Variants in FRMPD1 observed in about 807,000 individuals in gnomAD.
The protein encoded by FRMPD1 is FERM and PDZ domain-containing protein 1.
A neutral mutation model predicts 117.8 loss-of-function variants in FRMPD1; 76 were observed. The observed-to-expected ratio is 0.65, with a 90% CI of 0.54 to 0.78. The LOEUF (loss-of-function observed/expected upper bound fraction) is 0.78, where lower values mean the gene tolerates loss of function less well. FRMPD1 is among the 30% of genes least tolerant of loss of function. The pLI is 0.00. For synonymous variants in FRMPD1, 783 were observed against 770.4 expected (o/e 1.02, Z -0.27); for missense variants, 1,786 against 1,964.5 (o/e 0.91, Z 1.72).
chr9:37,676,026 CA>C (rs1405722813), intron 1 of FRMPD1, among the ~76,000 whole-genome samples: 1 of 152,146 alleles, frequency 6.6e-6, no homozygotes, highest in East Asian at 1.9e-4. Context: ...AAAATAGAAA[CA>C]AAAAGAATTG....
rs1274793507 is a variant in FRMPD1, at chr9:37,745,541, C to A, written c.3509C>A (p.Thr1170Asn). The A allele has an allele frequency of 3.7e-6, 6 of 1,613,830 alleles. No individual in the cohort carries two copies. The highest frequency in any genetic ancestry group is 5.1e-6 in the Non-Finnish European group (6 of 1,179,888). ...TCTTTAGATGCTCCTGTAACAGGGACCGAGCAGATCCCACCACATCCCCCT... is the reference window on the plus strand; with the variant it reads ...TCTTTAGATGCTCCTGTAACAGGGAACGAGCAGATCCCACCACATCCCCCT... ...SLSLDAPVTG[T>N]EQIPPHPPRD... The change falls in exon 16 of 16, where the codon ACC becomes AAC. Residue 1170 changes from threonine to asparagine, a missense_variant. Thr to Asn is a moderately conservative substitution (Grantham distance 65). Coordinates refer to ENST00000377765, the MANE Select transcript of FRMPD1 (RefSeq NM_014907.3).
rs10429607 is a variant in FRMPD1, at chr9:37,728,559, A to G, written c.613-1169A>G. 3.3e-3 allele frequency among the ~76,000 whole-genome samples: 502 copies of G among 152,308 alleles called. 3 individuals are homozygous for G. Among genetic ancestry groups the G allele is most frequent in the African/African-American group, 0.011 (476 of 41,570 alleles). On this transcript the variant is annotated intron_variant, in intron 7 of 15. Coordinates refer to ENST00000377765, the MANE Select transcript of FRMPD1 (RefSeq NM_014907.3). Reference sequence around the variant, plus strand: ...TGAGCAAGAAGAGTGTGGCGTGGCAACCAGGATGCCTCAGCGCAGCATTCA... The same window carrying G: ...TGAGCAAGAAGAGTGTGGCGTGGCAGCCAGGATGCCTCAGCGCAGCATTCA...
chr9:37,685,472 T>C (rs1821895198), intron 1 of FRMPD1, among the ~76,000 whole-genome samples: 1 of 151,046 alleles, frequency 6.6e-6, no homozygotes, highest in Non-Finnish European at 1.5e-5. Context: ...TGAAACCCTG[T>C]CTCTACTAAA....
chr9:37,613,889 A>G, the FRMPD1 span, among the ~76,000 whole-genome samples: 1 of 152,256 alleles, frequency 6.6e-6, no homozygotes. Context: ...AAGCTGCATA[A>G]GGGCAGAAGC....
At chr9:37,701,798 C>T (rs1308216464) in intron 2 of FRMPD1, among the ~76,000 whole-genome samples, 5 of 152,112 alleles carry the variant, frequency 3.3e-5, no homozygotes, top group African/African-American at 9.7e-5. Flanking sequence ...GATGGAGAAT[C>T]ATTCAGGAAA....
chr9:37,612,204 G>T, the FRMPD1 span, among the ~76,000 whole-genome samples: 1 of 152,114 alleles, frequency 6.6e-6, no homozygotes, highest in Non-Finnish European at 1.5e-5. Context: ...TCCGGTCTGG[G>T]TTCCTGACCT....
At position 37,719,152 on chromosome 9, in the gene FRMPD1, A is replaced by G; in HGVS notation, c.492A>G (p.Glu164=). The G allele has an allele frequency of 1.9e-6, 3 of 1,608,884 alleles. No homozygotes were observed. Among genetic ancestry groups the G allele is most frequent in the Non-Finnish European group, 2.6e-6 (3 of 1,175,160 alleles). ...TNPVKVHFAE[E]VLISGHSQGN... ...CCGTGAAGGTGCACTTTGCTGAAGA[A>G]GTGCTCATCAGTGGACACAGCCAGG... The change falls in exon 6 of 16, where the codon GAA becomes GAG. Residue 164 remains glutamate (E), a synonymous_variant. Coordinates refer to ENST00000377765, the MANE Select transcript of FRMPD1 (RefSeq NM_014907.3).
the FRMPD1 span, chr9:37,637,419 C>G: frequency 1.5e-6 from 1 of 647,162 alleles, no homozygotes; most frequent in Non-Finnish European, 2.8e-6. Context: ...ATAAAATTCA[C>G]CCTTTTTAGT....
intron 7 of FRMPD1, among the ~76,000 whole-genome samples, chr9:37,724,770 G>T (rs1823550715): frequency 6.6e-6 from 1 of 152,184 alleles, no homozygotes; most frequent in Non-Finnish European, 1.5e-5. Context: ...CATATGAGAT[G>T]ATCTGAGAGG....
chr9:37,691,698 G>C (rs1012838345), intron 1 of FRMPD1, among the ~76,000 whole-genome samples: 1 of 152,168 alleles, frequency 6.6e-6, no homozygotes, highest in African/African-American at 2.4e-5. Context: ...GAGGTCAGGC[G>C]TTCAAGACCA....
the FRMPD1 span, among the ~76,000 whole-genome samples, chr9:37,626,527 T>C: frequency 1.6e-5 from 2 of 126,956 alleles, no homozygotes; most frequent in Non-Finnish European, 3.3e-5. Flanking sequence ...AAAAATTAAA[T>C]GAAGGGCTGG....
chr9:37,695,014 GATA>G (rs1822271663), intron 2 of FRMPD1, among the ~76,000 whole-genome samples: 1 of 149,186 alleles, frequency 6.7e-6, no homozygotes, highest in Admixed American at 6.6e-5. Flanking sequence ...AGAATAGATA[GATA>G]GATAGATAGA....
the FRMPD1 span, among the ~76,000 whole-genome samples, chr9:37,623,448 C>G: frequency 1.3e-5 from 2 of 152,166 alleles, no homozygotes; most frequent in East Asian, 1.9e-4. Flanking sequence ...CAGGGGGCAG[C>G]CTTTTCGCTG....
the FRMPD1 span, among the ~76,000 whole-genome samples, chr9:37,615,192 A>G: frequency 6.6e-6 from 1 of 151,912 alleles, no homozygotes; most frequent in East Asian, 1.9e-4. Flanking sequence ...AGCTCTCTGC[A>G]ACCTCCACTT....
Position 37,741,716 on chromosome 9 carries a change from C to T in FRMPD1, c.2356+832C>T, listed in dbSNP as rs114116541. Among the ~76,000 whole-genome samples the T allele has an allele frequency of 1.4e-3, 220 of 152,316 alleles. 1 individual carries two copies. The highest frequency in any genetic ancestry group is 5.1e-3 in the African/African-American group (210 of 41,568). On this transcript the variant is annotated intron_variant, in intron 15 of 15. Transcript: ENST00000377765. ...GAGGCCCTCTGTGACATGGCCTCTGCCTGTCTCTCTCCCTCCTCCTGCATT... is the reference window on the plus strand; with the variant it reads ...GAGGCCCTCTGTGACATGGCCTCTGTCTGTCTCTCTCCCTCCTCCTGCATT...
chr9:37,643,994 T>C, the FRMPD1 span, among the ~76,000 whole-genome samples: 1 of 152,220 alleles, frequency 6.6e-6, no homozygotes, highest in Non-Finnish European at 1.5e-5. Flanking sequence ...CAACATCCAC[T>C]TGCTGAGCTG....
intron 8 of FRMPD1, 74 bp downstream of exon 8, chr9:37,729,927 G>C (rs1486192927): frequency 6.6e-7 from 1 of 1,504,248 alleles, no homozygotes; most frequent in Non-Finnish European, 9.1e-7. Context: ...GAACCTCTGG[G>C]GACAGGGCTC....
rs1165570689 is a variant in FRMPD1, at chr9:37,740,974, G to C, written c.2356+90G>C. 1 of 969,554 alleles carries C rather than the reference G, an allele frequency of 1.0e-6. No homozygotes were observed. 60.1% of individuals were successfully genotyped at this position (969,554 alleles called of 1,614,324 possible). A position where few individuals can be genotyped will look rare whatever the true frequency, so the allele number is the denominator to read the frequency against. ...GGCCTGGGGCCAAGCTTGAGAGGAA[G>C]GCACATGAGTGAAACAGGGTCCCTG... On this transcript the variant is annotated intron_variant, in intron 15 of 15. Transcript: ENST00000377765. This position sits in a 1 kb window ranked among gnomAD's most constrained non-coding sequence, Gnocchi z 4.2.
chr9:37,641,891 T>C, the FRMPD1 span, among the ~76,000 whole-genome samples: 1 of 152,214 alleles, frequency 6.6e-6, no homozygotes. Context: ...TAGTAGGATT[T>C]GAGTTGAATA....
Sources: allele counts gnomAD v4.1 joint callset (sites outside exome capture counted in the v4.1 genomes callset), GRCh38; gene constraint gnomAD v4.1.1; non-coding constraint Gnocchi (gnomAD v3.1); transcripts MANE v1.5; gene names NCBI Gene and HGNC (gene_info 2026-07-23, HGNC 2026-07-21).